The following PEAK1 variants were observed in gnomAD, a reference collection of about 807,000 sequenced individuals.
PEAK1 encodes inactive tyrosine-protein kinase PEAK1.
PEAK1 carries 54 observed loss-of-function variants against 124.7 expected under a neutral mutation model. That is an observed-to-expected ratio of 0.43 (90% confidence interval 0.35 to 0.54). The LOEUF (loss-of-function observed/expected upper bound fraction) is 0.54. Ranked by LOEUF, PEAK1 falls within the 20% of genes least tolerant of loss-of-function variation. The pLI is 0.01. For synonymous variants in PEAK1, 719 were observed against 760.0 expected, an observed-to-expected ratio of 0.95 and a Z score of 0.89; for missense variants, 2,046 against 2,134.5, an observed-to-expected ratio of 0.96 and a Z score of 0.82.
At chr15:77,262,159 C>A (rs767254930) in intron 5 of PEAK1, among the ~76,000 whole-genome samples, 11 of 152,182 alleles carry the variant, frequency 7.2e-5, no homozygotes, top group Non-Finnish European at 1.6e-4. Flanking sequence ...AAAAACATGT[C>A]AAACTGTAAA....
At chr15:77,234,491 T>C (rs1258761437) in intron 6 of PEAK1, among the ~76,000 whole-genome samples, 1 of 152,026 alleles carries the variant, frequency 6.6e-6, no homozygotes, top group Non-Finnish European at 1.5e-5. Context: ...CCATGAAAAA[T>C]GTAAGAAATA....
intron 2 of PEAK1, chr15:77,348,306 C>CA (rs2066997387): frequency 1.1e-6 from 1 of 875,222 alleles, no homozygotes; most frequent in Non-Finnish European, 1.4e-6. Flanking sequence ...AAATGAGTCT[C>CA]ATGCCACCTA....
At chr15:77,351,017 G>T (rs2067176045) in intron 2 of PEAK1, 1 of 876,908 alleles carries the variant, frequency 1.1e-6, no homozygotes, top group Middle Eastern at 5.9e-4. Context: ...TGGTATTAGA[G>T]AAATACCATG....
chr15:77,342,156 TAAAAA>T (rs34828008), intron 2 of PEAK1, among the ~76,000 whole-genome samples: 7 of 140,324 alleles, frequency 5.0e-5, no homozygotes, highest in African/African-American at 1.5e-4. Flanking sequence ...TTCATTATGG[TAAAAA>T]AAAAAAAAAA....
chr15:77,232,528 A>C (rs540172384), intron 6 of PEAK1, among the ~76,000 whole-genome samples: 1 of 152,312 alleles, frequency 6.6e-6, no homozygotes, highest in South Asian at 2.1e-4. Context: ...ACTTAGCCTC[A>C]TACTTCAGCG....
At chr15:77,252,630 A>G (rs950764148) in intron 5 of PEAK1, 104 bp from the exon 6 acceptor site, 1 of 640,252 alleles carries the variant, frequency 1.6e-6, no homozygotes, top group Non-Finnish European at 1.9e-6. Context: ...CTCAACAGTT[A>G]TAATTCATCT....
intron 6 of PEAK1, among the ~76,000 whole-genome samples, chr15:77,226,064 T>TATATATATATA (rs1567137657): frequency 5.2e-5 from 7 of 133,754 alleles, no homozygotes; most frequent in African/African-American, 1.7e-4. Context: ...TATATATATA[T>TATATATATATA]ATATATATAT....
chr15:77,232,545 T>C lies in PEAK1; in HGVS notation c.-115+19822A>G, dbSNP rs573406241. On this transcript the variant is annotated intron_variant, in intron 6 of 9. Transcript: ENST00000682557. ...TTAGCCTCATACTTCAGCGGAAAAA[T>C]AGATCCAACCAGATGAATTTCATCT... 1.6e-3 allele frequency among the ~76,000 whole-genome samples: 236 copies of C among 152,222 alleles called. 1 individual carries two copies. Among genetic ancestry groups the C allele is most frequent in the African/African-American group, 5.3e-3 (219 of 41,544 alleles).
intron 8 of PEAK1, among the ~76,000 whole-genome samples, chr15:77,134,748 T>C (rs2053171370): frequency 6.6e-6 from 1 of 152,176 alleles, no homozygotes; most frequent in South Asian, 2.1e-4. Context: ...ACTCAAGATC[T>C]CAGAGTTATA....
chr15:77,364,344 T>C (rs962370849), intron 2 of PEAK1, among the ~76,000 whole-genome samples: 2 of 152,222 alleles, frequency 1.3e-5, no homozygotes, highest in African/African-American at 4.8e-5. Context: ...AGATATAATA[T>C]GAATACATGA....
Position 77,180,612 on chromosome 15 carries a change from C to T in PEAK1, c.1315G>A (p.Ala439Thr), listed in dbSNP as rs1172345526. 1 of 1,614,020 alleles carries T rather than the reference C, an allele frequency of 6.2e-7. No homozygotes were observed. The highest frequency in any genetic ancestry group is 1.3e-5 in the African/African-American group (1 of 74,898). The change falls in exon 7 of 10, where the codon GCC (alanine) becomes ACC (threonine). Residue 439 changes from alanine (A) to threonine (T), a missense_variant. Ala to Thr is a moderately conservative substitution (Grantham distance 58). Transcript: ENST00000682557. ...GCTTGCCCAGCAACATCTGTAGAGG[C>T]TTTACTTTCTTCCTTCTCAGTTTGT... ...AVQTEKEESK[A>T]STDVAGQAVT... is the part of the protein sequence containing the mutation.
intron 8 of PEAK1, among the ~76,000 whole-genome samples, chr15:77,134,705 A>G (rs778769785): frequency 3.9e-5 from 6 of 152,200 alleles, no homozygotes; most frequent in Non-Finnish European, 8.8e-5. Flanking sequence ...AAAGGCTATT[A>G]AAAATTAGTT....
chr15:77,106,766 C>T (rs936250823), downstream of PEAK1: 1 of 152,166 alleles, frequency 6.6e-6, no homozygotes, highest in African/African-American at 2.4e-5. Context: ...GGGGTGATTA[C>T]CCTTAATCTT....
chr15:77,331,188 G>T (rs1176222223), intron 2 of PEAK1: 1 of 287,976 alleles, frequency 3.5e-6, no homozygotes, highest in Non-Finnish European at 5.2e-6. Flanking sequence ...GAAGTGTAGT[G>T]GCATGATCTT....
chr15:77,410,812 A>G (rs72744516), intron 1 of PEAK1, among the ~76,000 whole-genome samples: 3,683 of 152,322 alleles, frequency 0.024, 82 homozygotes, highest in Non-Finnish European at 0.039. Flanking sequence ...AGGTAGAAAT[A>G]AGAATGGAAT....
intron 2 of PEAK1, among the ~76,000 whole-genome samples, chr15:77,310,187 C>T (rs116562741): frequency 2.0e-3 from 301 of 152,208 alleles, no homozygotes; most frequent in African/African-American, 6.9e-3. Context: ...CTTGAGCCTA[C>T]GACTTTGTGA....
intron 6 of PEAK1, among the ~76,000 whole-genome samples, chr15:77,251,176 C>G (rs1267523527): frequency 6.6e-6 from 1 of 152,068 alleles, no homozygotes; most frequent in Non-Finnish European, 1.5e-5. Context: ...ACTAGGATTT[C>G]AAGTAAAAAA....
At chr15:77,326,756 T>C (rs1567263939) in intron 2 of PEAK1, among the ~76,000 whole-genome samples, 1 of 152,172 alleles carries the variant, frequency 6.6e-6, no homozygotes, top group African/African-American at 2.4e-5. Flanking sequence ...TCAGGGTCTA[T>C]ATTCTTGATA....
intron 2 of PEAK1, among the ~76,000 whole-genome samples, chr15:77,292,158 A>G (rs1271470119): frequency 6.6e-6 from 1 of 152,148 alleles, no homozygotes; most frequent in Non-Finnish European, 1.5e-5. Flanking sequence ...TTAAATTGTC[A>G]CAAACACTGA....
Sources: gnomAD v4.1 joint callset for allele counts (sites outside exome capture counted in the v4.1 genomes callset) on GRCh38, gnomAD v4.1.1 for gene constraint, MANE v1.5 for transcripts, NCBI Gene and HGNC (gene_info 2026-07-23, HGNC 2026-07-21) for gene names.